Variants in PTPN4 observed in about 807,000 individuals in gnomAD.
The protein encoded by PTPN4 is protein tyrosine phosphatase non-receptor type 4.
A neutral mutation model predicts 135.5 loss-of-function variants in PTPN4; 49 were observed. The observed-to-expected ratio is 0.36, with a 90% CI of 0.29 to 0.46. The LOEUF is 0.46. Ranked by LOEUF, PTPN4 falls within the 20% of genes least tolerant of loss-of-function variation. The probability of loss-of-function intolerance (pLI) is 1.00; values close to 1 mark genes in which losing one functional copy is unlikely to be tolerated. For missense variants in PTPN4, 860 were observed against 1,101.0 expected (o/e 0.78, Z 3.10); for synonymous variants, 333 against 369.9 (o/e 0.90, Z 1.14).
At chr2:119,806,505 T>G (rs927477489) in intron 1 of PTPN4, among the ~76,000 whole-genome samples, 1 of 152,052 alleles carries the variant, frequency 6.6e-6, no homozygotes, top group Non-Finnish European at 1.5e-5. Flanking sequence ...GGTAAAGGGA[T>G]CAATTCAACA....
chr2:119,927,477 T>C (rs956433829), intron 13 of PTPN4, among the ~76,000 whole-genome samples: 1 of 152,176 alleles, frequency 6.6e-6, no homozygotes, highest in East Asian at 1.9e-4. Context: ...AATAGTATTA[T>C]GAGCAATGAT....
At chr2:119,782,703 C>A in intron 1 of PTPN4, among the ~76,000 whole-genome samples, 1 of 129,196 alleles carries the variant, frequency 7.7e-6, no homozygotes, top group African/African-American at 2.9e-5. Context: ...CTATGAAACC[C>A]CCCCACCCCC....
chr2:119,787,271 CAG>C (rs1178134130), intron 1 of PTPN4, among the ~76,000 whole-genome samples: 3 of 152,166 alleles, frequency 2.0e-5, no homozygotes, highest in Non-Finnish European at 4.4e-5. Context: ...TTGAGGGAAA[CAG>C]AGGCCAAAGT....
intron 22 of PTPN4, 127 bp from the exon 23 acceptor site, chr2:119,960,680 G>A: frequency 1.3e-6 from 1 of 744,088 alleles, no homozygotes; most frequent in Non-Finnish European, 1.9e-6. Context: ...ATAAAGATTT[G>A]TTTTACTGAC....
chr2:119,778,029 A>C lies in PTPN4; in HGVS notation c.-18+17645A>C, dbSNP rs1032150586. On this transcript the variant is annotated intron_variant, in intron 1 of 26. Transcript: ENST00000263708. ...ATTCTTTTTTTTTTTTCCTCTAAAAAAATGCACTAAACCTCTAACTAATAA... is the reference window on the plus strand; with the variant it reads ...ATTCTTTTTTTTTTTTCCTCTAAAACAATGCACTAAACCTCTAACTAATAA... Among the ~76,000 whole-genome samples the C allele has an allele frequency of 3.9e-5, 6 of 152,326 alleles. No individual in the cohort carries two copies. The East Asian group carries it at 1.2e-3, about 29-fold the overall frequency.
At position 119,760,000 on chromosome 2, in the gene PTPN4, C is replaced by T; in HGVS notation, c.-402C>T. ...CACCACCAACATTGTTCTCTCAGGACTCCTGGGTCCCAGGGGCCGGAATTG... is the reference window on the plus strand; with the variant it reads ...CACCACCAACATTGTTCTCTCAGGATTCCTGGGTCCCAGGGGCCGGAATTG... On this transcript the variant is annotated 5_prime_UTR_variant, in exon 1 of 27. Transcript: ENST00000263708. 2.6e-6 allele frequency: 1 copy of T among 381,116 alleles called. No individual in the cohort carries two copies. Among genetic ancestry groups the T allele is most frequent in the Middle Eastern group, 6.8e-4 (1 of 1,476 alleles). The allele number at this position is 381,116 out of a possible 1,614,324, so 23.6% of individuals were successfully genotyped here. A position where few individuals can be genotyped will look rare whatever the true frequency, so the allele number is the denominator to read the frequency against.
chr2:119,977,008 G>T lies in PTPN4; in HGVS notation c.2719G>T (p.Ala907Ser). 1.2e-6 allele frequency: 2 copies of T among 1,607,252 alleles called. No homozygotes were observed. The highest frequency in any genetic ancestry group is 1.7e-6 in the Non-Finnish European group (2 of 1,178,128). The change falls in exon 27 of 27, where the codon GCT (alanine) becomes TCT (serine). Residue 907 changes from alanine (A) to serine (S), a missense_variant. By Grantham distance (99) the Ala-to-Ser change is moderately conservative (BLOSUM62 1). Transcript: ENST00000263708. ...GAGTCAATACAGATTTGTATGTGAA[G>T]CTATTTTGAAAGTTTATGAAGAAGG... is the stretch of plus-strand genomic sequence containing the variant. ...TPSQYRFVCE[A>S]ILKVYEEGFV... is the part of the protein sequence containing the mutation.
intron 22 of PTPN4, among the ~76,000 whole-genome samples, chr2:119,960,460 A>C (rs1482954915): frequency 6.6e-6 from 1 of 152,228 alleles, no homozygotes; most frequent in African/African-American, 2.4e-5. Flanking sequence ...CCTCTGAAAC[A>C]AAATTCTGTG....
chr2:119,952,064 T>C lies in PTPN4; in HGVS notation c.1748T>C (p.Val583Ala). ...DIAEHTHDQVVLFIKASCERH... is the reference protein window; with the variant it reads ...DIAEHTHDQVALFIKASCERH... The stretch of plus-strand genomic sequence containing the variant: ...GCAGAACACACTCATGATCAGGTTG[T>C]GCTGTTTATTAAAGCTAGTTGTGAG... The change falls in exon 19 of 27, where the codon GTG becomes GCG. Residue 583 changes from valine (V) to alanine (A), a missense_variant. Physicochemically the swap from Val to Ala is moderately conservative, Grantham distance 64 (BLOSUM62 0). This residue lies in a region of PTPN4 where 684 missense variants were observed against 807.0 expected (regional missense o/e 0.85). Coordinates refer to ENST00000263708, the MANE Select transcript of PTPN4 (RefSeq NM_002830.4). The C allele has an allele frequency of 6.2e-7, 1 of 1,613,552 alleles. No individual in the cohort carries two copies. The highest frequency in any genetic ancestry group is 8.5e-7 in the Non-Finnish European group (1 of 1,179,500).
intron 22 of PTPN4, among the ~76,000 whole-genome samples, chr2:119,959,945 A>G (rs1016935248): frequency 6.6e-6 from 1 of 152,220 alleles, no homozygotes; most frequent in Non-Finnish European, 1.5e-5. Context: ...TTATTTACTC[A>G]TCAAACATCA....
Position 119,831,522 on chromosome 2 carries a change from A to G in PTPN4, c.138+21531A>G, listed in dbSNP as rs139074835. ...GAAATCAGGAAGTGTGAGTTCTCCA[A>G]CATTCTTTTTAAATATTATTTTGGT... is the stretch of plus-strand genomic sequence containing the variant. On this transcript the variant is annotated intron_variant, in intron 2 of 26. Coordinates refer to ENST00000263708, the MANE Select transcript of PTPN4 (RefSeq NM_002830.4). 7.1e-3 allele frequency among the ~76,000 whole-genome samples: 1,086 copies of G among 152,274 alleles called. 12 individuals are homozygous for G. Among genetic ancestry groups the G allele is most frequent in the African/African-American group, 0.025 (1,023 of 41,540 alleles).
At chr2:119,931,433 C>CTTTTT (rs1158907026) in intron 13 of PTPN4, among the ~76,000 whole-genome samples, 164 of 83,352 alleles carry the variant, frequency 2.0e-3, no homozygotes, top group Non-Finnish European at 2.6e-3. Context: ...TTCTTTCTTT[C>CTTTTT]TTTTTTTTTT....
At chr2:119,966,848 C>T (rs1274121838) in intron 25 of PTPN4, among the ~76,000 whole-genome samples, 1 of 152,198 alleles carries the variant, frequency 6.6e-6, no homozygotes, top group Non-Finnish European at 1.5e-5. Context: ...AATACAGTGA[C>T]TTCAGTCTTT....
intron 2 of PTPN4, among the ~76,000 whole-genome samples, chr2:119,846,464 G>A (rs1346546608): frequency 6.6e-6 from 1 of 151,658 alleles, no homozygotes; most frequent in Non-Finnish European, 1.5e-5. Flanking sequence ...CTTCCTTACG[G>A]TGTAACTTTT....
At chr2:119,845,191 A>C (rs1350796294) in intron 2 of PTPN4, among the ~76,000 whole-genome samples, 1 of 131,720 alleles carries the variant, frequency 7.6e-6, no homozygotes, top group African/African-American at 2.8e-5. Context: ...AGATGGCAGC[A>C]GTACAGTCCA....
At chr2:119,810,396 CTGA>C (rs1691556178) in intron 2 of PTPN4, among the ~76,000 whole-genome samples, 1 of 152,174 alleles carries the variant, frequency 6.6e-6, no homozygotes. Flanking sequence ...TATCTATCGT[CTGA>C]AATATTTATT....
At chr2:119,970,318 T>A (rs1488453814) in intron 26 of PTPN4, among the ~76,000 whole-genome samples, 1 of 151,574 alleles carries the variant, frequency 6.6e-6, no homozygotes, top group Non-Finnish European at 1.5e-5. Flanking sequence ...CCTTGGCCTC[T>A]CAAAGTGCTG....
rs1470601808 is a variant in PTPN4, at chr2:119,978,661, A to G, written c.*1591A>G. 6.6e-6 allele frequency: 1 copy of G among 152,084 alleles called. No homozygotes were observed. The highest frequency in any genetic ancestry group is 1.5e-5 in the Non-Finnish European group (1 of 67,960). 9.4% of individuals were successfully genotyped at this position (152,084 alleles called of 1,614,324 possible). A position where few individuals can be genotyped will look rare whatever the true frequency, so the allele number is the denominator to read the frequency against. ...AGTGAAAATTTGCTCACCTATACAAATGTTATTTTACACAATTATTTTATG... is the reference window on the plus strand; with the variant it reads ...AGTGAAAATTTGCTCACCTATACAAGTGTTATTTTACACAATTATTTTATG... On this transcript the variant is annotated 3_prime_UTR_variant, in exon 27 of 27. Transcript: ENST00000263708.
intron 8 of PTPN4, 92 bp from the exon 9 acceptor site, chr2:119,885,703 A>G: frequency 1.4e-6 from 1 of 735,782 alleles, no homozygotes; most frequent in East Asian, 2.8e-5. Flanking sequence ...TAGACTGCTC[A>G]GTTTTTTCAG....
Sources: gnomAD v4.1 joint callset for allele counts (sites outside exome capture counted in the v4.1 genomes callset) on GRCh38, gnomAD v4.1.1 for gene constraint, gnomAD v4.1.1 regional missense constraint, MANE v1.5 for transcripts, NCBI Gene and HGNC (gene_info 2026-07-23, HGNC 2026-07-21) for gene names.